Variants in ADCK1 observed in about 807,000 individuals in gnomAD.
ADCK1 encodes the protein aarF domain-containing protein kinase 1.
A neutral mutation model predicts 52.3 loss-of-function variants in ADCK1; 41 were observed. The ratio of observed to expected loss-of-function variants is 0.78; its 90% CI spans 0.61 to 1.02. ADCK1 has a LOEUF of 1.02. Among genes scored for constraint, ADCK1 ranks in the 50% least tolerant of loss-of-function variants. The pLI, the probability that ADCK1 is intolerant of heterozygous loss-of-function variation, is 0.00. For synonymous variants in ADCK1, 250 were observed against 274.6 expected (o/e 0.91, Z 0.89); for missense variants, 658 against 679.5 (o/e 0.97, Z 0.35).
chr14:77,855,344 C>T (rs779342946), intron 3 of ADCK1, among the ~76,000 whole-genome samples: 2 of 152,154 alleles, frequency 1.3e-5, no homozygotes, highest in Non-Finnish European at 2.9e-5. Context: ...GGTGTAGGTA[C>T]TATTATTATC....
At chr14:77,914,593 G>A in intron 7 of ADCK1, 1 of 985,370 alleles carries the variant, frequency 1.0e-6, no homozygotes, top group Non-Finnish European at 1.2e-6. Context: ...GTCCTGGGTG[G>A]GAAGAGCAGA....
chr14:77,905,387 T>G (rs1371740647), intron 6 of ADCK1, among the ~76,000 whole-genome samples: 1 of 141,166 alleles, frequency 7.1e-6, no homozygotes, highest in Admixed American at 7.5e-5. Context: ...CTTCACCCAC[T>G]GCAACCTCCG....
chr14:77,877,974 C>T (rs142285428), intron 4 of ADCK1, among the ~76,000 whole-genome samples: 1 of 132,900 alleles, frequency 7.5e-6, no homozygotes, highest in East Asian at 2.5e-4. Context: ...TGTTTGTCAT[C>T]TTCTCAGAGA....
At chr14:77,880,812 C>G (rs924530409) in intron 4 of ADCK1, among the ~76,000 whole-genome samples, 13 of 152,348 alleles carry the variant, frequency 8.5e-5, no homozygotes, top group Admixed American at 2.6e-4. Context: ...TGGACGTCTC[C>G]TCATGGCCAG....
chr14:77,902,893 T>G (rs1256014193), intron 6 of ADCK1: 1 of 152,260 alleles, frequency 6.6e-6, no homozygotes, highest in South Asian at 2.1e-4. Flanking sequence ...GAGGACAGTT[T>G]GAGTAGAGGA....
At chr14:77,920,356 G>A (rs2084021191) in intron 7 of ADCK1, among the ~76,000 whole-genome samples, 1 of 152,154 alleles carries the variant, frequency 6.6e-6, no homozygotes, top group African/African-American at 2.4e-5. Context: ...GTTGAAGAGG[G>A]TGTCGTTTTC....
chr14:77,916,695 C>T lies in ADCK1; in HGVS notation c.859-7762C>T, dbSNP rs1038188221. On this transcript the variant is annotated intron_variant, in intron 7 of 10. Coordinates refer to ENST00000238561, the MANE Select transcript of ADCK1 (RefSeq NM_020421.4). ...AAACTCCTGGGCTCAAGCCATCTGA[C>T]TGCCTCGGCCTCACAAAGCCCCTCT... 2.0e-5 allele frequency among the ~76,000 whole-genome samples: 3 copies of T among 152,336 alleles called. No homozygotes were observed. The East Asian group carries it at 5.8e-4, about 29-fold the overall frequency.
At chr14:77,805,285 A>C (rs2081199581) in intron 1 of ADCK1, among the ~76,000 whole-genome samples, 1 of 102,796 alleles carries the variant, frequency 9.7e-6, no homozygotes, top group South Asian at 3.8e-4. Flanking sequence ...TTTTTGAGAC[A>C]GAGTCTTGCC....
chr14:77,812,032 C>T (rs181894386), intron 1 of ADCK1, among the ~76,000 whole-genome samples: 1 of 152,208 alleles, frequency 6.6e-6, no homozygotes, highest in Admixed American at 6.5e-5. Flanking sequence ...TGTATCTATT[C>T]AAGGTGTACA....
At chr14:77,862,338 T>A (rs2082567975) in intron 4 of ADCK1, among the ~76,000 whole-genome samples, 1 of 152,076 alleles carries the variant, frequency 6.6e-6, no homozygotes, top group Non-Finnish European at 1.5e-5. Flanking sequence ...TCCCCTTGAC[T>A]GCCCTTGGGG....
At chr14:77,904,855 C>T (rs1024695744) in intron 6 of ADCK1, among the ~76,000 whole-genome samples, 3 of 151,870 alleles carry the variant, frequency 2.0e-5, no homozygotes, top group Non-Finnish European at 4.4e-5. Flanking sequence ...TGGGGGAGTG[C>T]GGGGTGCTTA....
intron 1 of ADCK1, among the ~76,000 whole-genome samples, chr14:77,810,587 G>A (rs2081318941): frequency 6.7e-6 from 1 of 149,534 alleles, no homozygotes; most frequent in Non-Finnish European, 1.5e-5. Context: ...CTGGAGTGCA[G>A]TGGCACGATT....
chr14:77,905,306 T>G (rs935956176), intron 6 of ADCK1, among the ~76,000 whole-genome samples: 1 of 131,240 alleles, frequency 7.6e-6, no homozygotes, highest in Non-Finnish European at 1.6e-5. Context: ...CCTAGCTGGT[T>G]TTTTTTTTTT....
rs373484550 is a variant in ADCK1 at position 77,840,654 on chromosome 14, C to T, written c.219+18136C>T. ...CTTGAGGCCAGGTGTTCAAGACCAG[C>T]CTGGACAACATGGTGAAACCCTGTT... On this transcript the variant is annotated intron_variant, in intron 3 of 10. Coordinates refer to ENST00000238561, the MANE Select transcript of ADCK1 (RefSeq NM_020421.4). Among the ~76,000 whole-genome samples the T allele has an allele frequency of 6.9e-4, 105 of 152,118 alleles. 2 individuals are homozygous for T. The South Asian group carries it at 0.021, about 31-fold the overall frequency.
At position 77,924,603 on chromosome 14, in the gene ADCK1, C is replaced by T; in HGVS notation, c.1005C>T (p.Tyr335=). The T allele has an allele frequency of 6.2e-7, 1 of 1,612,854 alleles. No homozygotes were observed. Among genetic ancestry groups the T allele is most frequent in the Admixed American group, 1.7e-5 (1 of 60,028 alleles). Residue 335 remains tyrosine, a synonymous_variant, in exon 8 of 11, where the codon TAC becomes TAT. Coordinates refer to ENST00000238561, the MANE Select transcript of ADCK1 (RefSeq NM_020421.4). Reference sequence around the variant, plus strand: ...TTGTCCTGTTGGACCATGGGCTTTACCAGGTAGAAGAGGCCTTTGTTACCC... The same window carrying T: ...TTGTCCTGTTGGACCATGGGCTTTATCAGGTAGAAGAGGCCTTTGTTACCC... The part of the protein sequence containing the change: ...AEIVLLDHGL[Y]QMLTEEFRLN...
intron 7 of ADCK1, among the ~76,000 whole-genome samples, chr14:77,913,300 A>T (rs2083837569): frequency 6.6e-6 from 1 of 152,196 alleles, no homozygotes; most frequent in Non-Finnish European, 1.5e-5. Context: ...GCCTTGCCAG[A>T]AGTGCCATCT....
In ADCK1 at chr14:77,805,789, C is replaced by T. The variant is rs144415091; in HGVS notation, c.-12+5619C>T. 7.3e-3 allele frequency among the ~76,000 whole-genome samples: 1,107 copies of T among 151,768 alleles called. 3 individuals are homozygous for T. The highest frequency in any genetic ancestry group is 0.012 in the Non-Finnish European group (831 of 67,936). Reference sequence around the variant, plus strand: ...ACCATGTAAGAACTTGTCCAGGGGGCTCAGTCTGAAAAAAATCTCAAAAAA... The same window carrying T: ...ACCATGTAAGAACTTGTCCAGGGGGTTCAGTCTGAAAAAAATCTCAAAAAA... On this transcript the variant is annotated intron_variant, in intron 1 of 10. Coordinates refer to ENST00000238561, the MANE Select transcript of ADCK1 (RefSeq NM_020421.4).
intron 3 of ADCK1, among the ~76,000 whole-genome samples, chr14:77,824,372 A>G (rs1300105579): frequency 6.6e-6 from 1 of 151,968 alleles, no homozygotes; most frequent in Non-Finnish European, 1.5e-5. Flanking sequence ...AATCTCTAAT[A>G]GATAGTCCAT....
chr14:77,876,473 C>T (rs989799335), intron 4 of ADCK1, among the ~76,000 whole-genome samples: 1 of 152,230 alleles, frequency 6.6e-6, no homozygotes, highest in Admixed American at 6.5e-5. Flanking sequence ...GGGGCACCTG[C>T]AAAGTATCTT....
Sources: gnomAD v4.1 joint callset for allele counts (sites outside exome capture counted in the v4.1 genomes callset) on GRCh38, gnomAD v4.1.1 for gene constraint, MANE v1.5 for transcripts, NCBI Gene and HGNC (gene_info 2026-07-23, HGNC 2026-07-21) for gene names.